LHB: variants seen among roughly 807,000 people sequenced by gnomAD.
LHB encodes luteinizing hormone subunit beta, also known as lutropin subunit beta.
In LHB, 11 loss-of-function variants were observed where a neutral mutation model predicts 10.6. The observed-to-expected ratio is 1.04, with a 90% CI of 0.66 to 1.72. The LOEUF (loss-of-function observed/expected upper bound fraction) is 1.72, where lower values mean the gene tolerates loss of function less well. LHB is among the 40% of genes most tolerant of loss of function. The pLI, the probability that LHB is intolerant of heterozygous loss-of-function variation, is 0.00. For synonymous variants in LHB, 86 were observed against 83.1 expected, an observed-to-expected ratio of 1.03 and a Z score of -0.19; for missense variants, 184 against 197.3, an observed-to-expected ratio of 0.93 and a Z score of 0.41.
rs777579855 is a variant in LHB at position 49,016,127 on chromosome 19, G to C, written c.367C>G (p.Pro123Ala). The change falls in exon 3 of 3, where the codon CCC (proline) becomes GCC (alanine). Residue 123 changes from proline (P) to alanine (A), a missense_variant. Pro to Ala is a conservative substitution (Grantham distance 27). Coordinates refer to ENST00000649238, the MANE Select transcript of LHB (RefSeq NM_000894.3). ...TCACAGGTCAAGGGGTGGTCTTTGG[G>C]ACCCCCACAGTCAGAGGTGCTGCGG... ...CRRSTSDCGG[P>A]KDHPLTCDHP... 1 of 1,612,882 alleles carries C rather than the reference G, an allele frequency of 6.2e-7. No individual in the cohort carries two copies. Among genetic ancestry groups the C allele is most frequent in the South Asian group, 1.1e-5 (1 of 91,026 alleles).
chr19:49,018,205 G>A, upstream of LHB: 1 of 504,154 alleles, frequency 2.0e-6, no homozygotes, highest in South Asian at 1.0e-4. Flanking sequence ...GCGGCACGCG[G>A]ACCCGCGGTG....
rs1219133687 is a variant in LHB at position 49,016,693 on chromosome 19, G to A, written c.37C>T (p.Leu13=). 10 of 1,611,618 alleles carry A rather than the reference G, an allele frequency of 6.2e-6. No homozygotes were observed. Among genetic ancestry groups the A allele is most frequent in the Non-Finnish European group, 8.5e-6 (10 of 1,179,776 alleles). Residue 13 remains leucine, a synonymous_variant, in exon 2 of 3, where the codon CTG becomes TTG. Coordinates refer to ENST00000649238, the MANE Select transcript of LHB (RefSeq NM_000894.3). ...GATGCCCATGCCCCGCCCATGCTCA[G>A]CAGCAGCAACAGCAGCAGCCCCTGG... ...MLQGLLLLLL[L]SMGGAWASRE... is the part of the protein sequence containing the mutation.
Position 49,016,403 on chromosome 19 carries a change from A to G in LHB, c.184-93T>C, listed in dbSNP as rs1380542974. 4.8e-4 allele frequency: 767 copies of G among 1,597,422 alleles called. 7 individuals are homozygous for G. The African/African-American group carries it at 9.2e-3, about 19-fold the overall frequency. On this transcript the variant is annotated intron_variant, in intron 2 of 2. Transcript: ENST00000649238. ...TGACCCCACAGGTCCTGGACTCAGGAGCCCAGGAAGCCCTCTGTTCCTGCC... is the reference window on the plus strand; with the variant it reads ...TGACCCCACAGGTCCTGGACTCAGGGGCCCAGGAAGCCCTCTGTTCCTGCC...
upstream of LHB, chr19:49,018,958 G>C (rs139531453): frequency 2.0e-6 from 3 of 1,534,110 alleles, no homozygotes; most frequent in East Asian, 4.9e-5. Flanking sequence ...ACTGTGAAAG[G>C]CCGGCCAGAC....
Position 49,016,321 on chromosome 19 carries a change from T to C in LHB, c.184-11A>G, listed in dbSNP as rs1308454890. On this transcript the variant is annotated splice_polypyrimidine_tract_variant and intron_variant, in intron 2 of 2. Coordinates refer to ENST00000649238, the MANE Select transcript of LHB (RefSeq NM_000894.3). ...CTGCAGCACGCGCATCTGGAGGCCG[T>C]GTGAGTGGGGGAATGAGCATGTGCC... The C allele has an allele frequency of 6.2e-7, 1 of 1,609,644 alleles. No homozygotes were observed. Among genetic ancestry groups the C allele is most frequent in the Non-Finnish European group, 8.5e-7 (1 of 1,179,712 alleles).
At chr19:49,018,763 C>G (rs1363354973), upstream of LHB, 3 of 950,144 alleles carry the variant, frequency 3.2e-6, no homozygotes, top group African/African-American at 1.7e-5. Flanking sequence ...CTACAGAAGT[C>G]GAGGCTGAGA....
At chr19:49,019,407 C>T, upstream of LHB, 2 of 1,258,348 alleles carry the variant, frequency 1.6e-6, no homozygotes, top group East Asian at 3.1e-5. Flanking sequence ...ATATTCTAGT[C>T]TCCTCCCCAC....
rs142640810 is a variant in LHB at position 49,016,659 on chromosome 19, G to A, written c.71C>T (p.Pro24Leu). The A allele has an allele frequency of 3.6e-5, 58 of 1,612,124 alleles. No homozygotes were observed. Among genetic ancestry groups the A allele is most frequent in the African/African-American group, 2.8e-4 (21 of 74,880 alleles). The part of the protein sequence containing the change: ...SMGGAWASRE[P>L]LRPWCHPINA... ...GATGGGGTGGCACCATGGCCGAAGC[G>A]GCTCCCTGGATGCCCATGCCCCGCC... is the stretch of plus-strand genomic sequence containing the variant. The change falls in exon 2 of 3, where the codon CCG becomes CTG. Residue 24 changes from proline (P) to leucine (L), a missense_variant. By Grantham distance (98) the Pro-to-Leu change is moderately conservative. Coordinates refer to ENST00000649238, the MANE Select transcript of LHB (RefSeq NM_000894.3).
chr19:49,016,094 G>T lies in LHB; in HGVS notation c.400C>A (p.Gln134Lys), dbSNP rs1249484244. The change falls in exon 3 of 3, where the codon CAA (glutamine) becomes AAA (lysine). Residue 134 changes from glutamine to lysine, a missense_variant. Gln to Lys is a moderately conservative substitution (Grantham distance 53). Transcript: ENST00000649238. ...KDHPLTCDHP[Q>K]LSGLLFL Reference sequence around the variant, plus strand: ...TAGAGGAAGAGGAGGCCTGAGAGTTGGGGGTGGTCACAGGTCAAGGGGTGG... The same window carrying T: ...TAGAGGAAGAGGAGGCCTGAGAGTTTGGGGTGGTCACAGGTCAAGGGGTGG... The T allele has an allele frequency of 6.2e-7, 1 of 1,613,178 alleles. No individual in the cohort carries two copies. Among genetic ancestry groups the T allele is most frequent in the Non-Finnish European group, 8.5e-7 (1 of 1,180,026 alleles).
chr19:49,017,693 G>C (rs535755797), upstream of LHB: 38 of 595,258 alleles, frequency 6.4e-5, no homozygotes, highest in African/African-American at 1.7e-4. Flanking sequence ...AGTGGGTGTG[G>C]TTCAGGTGAT....
chr19:49,018,447 C>A (rs1196224983), upstream of LHB: 20 of 672,990 alleles, frequency 3.0e-5, no homozygotes, highest in Non-Finnish European at 2.1e-6. Context: ...CATTTCCAGG[C>A]GAGCACCCCT....
In LHB at chr19:49,016,284, C is replaced by T. The variant is rs150768493; in HGVS notation, c.210G>A (p.Pro70=). The T allele has an allele frequency of 1.6e-4, 252 of 1,611,636 alleles. No individual in the cohort carries two copies. The highest frequency in any genetic ancestry group is 1.9e-4 in the Non-Finnish European group (226 of 1,179,776). Residue 70 remains proline (P), a synonymous_variant, in exon 3 of 3, where the codon CCG becomes CCA. Coordinates refer to ENST00000649238, the MANE Select transcript of LHB (RefSeq NM_000894.3). ...AGGTGCACACCACCTGAGGCAGGGG[C>T]GGCAGGACCGCCTGCAGCACGCGCA... ...TMMRVLQAVL[P]PLPQVVCTYR... is the part of the protein sequence containing the mutation.
chr19:49,017,675 T>A (rs2039580814), upstream of LHB: 3 of 682,960 alleles, frequency 4.4e-6, no homozygotes, highest in South Asian at 1.4e-4. Context: ...GCCCGGAGCG[T>A]CCCCGGAAGT....
rs1183254378 is a variant in LHB, at chr19:49,017,065, A to T, written c.15+2T>A. On this transcript the variant is annotated splice_donor_variant, in intron 1 of 2. Coordinates refer to ENST00000649238, the MANE Select transcript of LHB (RefSeq NM_000894.3). LOFTEE classifies it high-confidence loss of function. ...AGGTGCCCAGGGGCCCTGTAGTCTT[A>T]CCTGGAGCATCTCCATCCTTGGTGC... The T allele has an allele frequency of 1.9e-6, 3 of 1,613,716 alleles. No individual in the cohort carries two copies. Among genetic ancestry groups the T allele is most frequent in the Non-Finnish European group, 2.5e-6 (3 of 1,179,860 alleles).
chr19:49,017,756 C>G (rs1209940151), upstream of LHB: 3 of 417,628 alleles, frequency 7.2e-6, no homozygotes, highest in Non-Finnish European at 1.2e-5. Flanking sequence ...CCCGGGGCCA[C>G]AGCCTGCAAG....
upstream of LHB, chr19:49,019,430 G>A (rs2039601471): frequency 7.2e-6 from 9 of 1,258,078 alleles, no homozygotes; most frequent in Non-Finnish European, 9.0e-6. Context: ...ACAGCCCGCC[G>A]TCTAGCTCCG....
chr19:49,016,471 C>T (rs1479849805), intron 2 of LHB, 76 bp downstream of exon 2: 1 of 1,603,704 alleles, frequency 6.2e-7, no homozygotes, highest in East Asian at 2.2e-5. Context: ...AGAGGCAGAC[C>T]ACCCTTCCTC....
chr19:49,017,899 G>A (rs1299671629), upstream of LHB: 1 of 398,262 alleles, frequency 2.5e-6, no homozygotes, highest in East Asian at 3.6e-5. Context: ...CCTAGTGAGC[G>A]GAGGTCCCGA....
upstream of LHB, chr19:49,018,926 G>A (rs779202576): frequency 2.6e-5 from 40 of 1,534,346 alleles, no homozygotes; most frequent in Non-Finnish European, 3.5e-5. Flanking sequence ...GCTGGCGGCG[G>A]TCCAGGACGC....
Sources: allele counts gnomAD v4.1 joint callset, GRCh38; gene constraint gnomAD v4.1.1; transcripts MANE v1.5; gene names NCBI Gene and HGNC (gene_info 2026-07-23, HGNC 2026-07-21).